The following MACROD2 variants were observed in gnomAD, a reference collection of about 807,000 sequenced individuals.
MACROD2 encodes ADP-ribose glycohydrolase MACROD2.
A neutral mutation model predicts 70.4 loss-of-function variants in MACROD2; 36 were observed. The ratio of observed to expected loss-of-function variants is 0.51; its 90% confidence interval spans 0.39 to 0.68. MACROD2 has a LOEUF of 0.68. Among genes scored for constraint, MACROD2 ranks in the 30% least tolerant of loss-of-function variants. MACROD2 has a pLI of 0.00. For missense variants in MACROD2, 496 were observed against 538.4 expected, an observed-to-expected ratio of 0.92 and a Z score of 0.78; for synonymous variants, 172 against 178.8, an observed-to-expected ratio of 0.96 and a Z score of 0.30.
intron 5 of MACROD2, among the ~76,000 whole-genome samples, chr20:14,686,365 T>C (rs1357502070): frequency 6.6e-6 from 1 of 152,218 alleles, no homozygotes; most frequent in Non-Finnish European, 1.5e-5. Context: ...ATACAATATT[T>C]TAAATAATTT....
chr20:14,442,908 C>A (rs2084140831), intron 3 of MACROD2, among the ~76,000 whole-genome samples: 1 of 151,940 alleles, frequency 6.6e-6, no homozygotes, highest in African/African-American at 2.4e-5. Context: ...AACCCCGTCT[C>A]TACTAAAAAT....
chr20:14,577,542 G>C (rs1028936459), intron 4 of MACROD2, among the ~76,000 whole-genome samples: 1 of 152,148 alleles, frequency 6.6e-6, no homozygotes, highest in African/African-American at 2.4e-5. Context: ...GCTTTGAGGG[G>C]CTGAGGTGGG....
At chr20:14,938,573 G>A (rs2074361243) in intron 5 of MACROD2, among the ~76,000 whole-genome samples, 1 of 152,032 alleles carries the variant, frequency 6.6e-6, no homozygotes, top group African/African-American at 2.4e-5. Context: ...TTGAGGCCAG[G>A]AGTTCAAGAC....
At chr20:15,677,298 A>C (rs1015657453) in intron 8 of MACROD2, among the ~76,000 whole-genome samples, 25 of 152,214 alleles carry the variant, frequency 1.6e-4, no homozygotes, top group Middle Eastern at 6.8e-3. Flanking sequence ...GCATCTAGGA[A>C]ATTTAGAGGG....
At chr20:15,629,904 A>G (rs182126525) in intron 8 of MACROD2, among the ~76,000 whole-genome samples, 1 of 152,352 alleles carries the variant, frequency 6.6e-6, no homozygotes, top group Admixed American at 6.5e-5. Context: ...AGAGGAATGA[A>G]TGCTTTGAAG....
At chr20:14,197,856 A>G (rs2081445902) in intron 3 of MACROD2, among the ~76,000 whole-genome samples, 2 of 152,216 alleles carry the variant, frequency 1.3e-5, no homozygotes, top group Admixed American at 6.5e-5. Context: ...TAAAAACATC[A>G]TGTTTACAGT....
intron 3 of MACROD2, among the ~76,000 whole-genome samples, chr20:14,317,616 CAAAAAAA>C (rs57339002): frequency 8.9e-6 from 1 of 112,736 alleles, no homozygotes; most frequent in African/African-American, 3.2e-5. Flanking sequence ...GAGACTGTCT[CAAAAAAA>C]AAAAAAAAAA....
intron 15 of MACROD2, among the ~76,000 whole-genome samples, chr20:16,002,033 T>C (rs972004112): frequency 6.3e-5 from 9 of 141,884 alleles, no homozygotes; most frequent in African/African-American, 2.4e-4. Flanking sequence ...TTATATAATA[T>C]AATGTGTCTT....
intron 15 of MACROD2, among the ~76,000 whole-genome samples, chr20:16,014,504 C>T (rs2066904414): frequency 6.6e-6 from 1 of 152,202 alleles, no homozygotes; most frequent in South Asian, 2.1e-4. Context: ...ATTACTAGGT[C>T]AGATTTTTCC....
intron 8 of MACROD2, among the ~76,000 whole-genome samples, chr20:15,821,139 A>T (rs540743410): frequency 6.6e-6 from 1 of 152,142 alleles, no homozygotes; most frequent in Non-Finnish European, 1.5e-5. Context: ...AATAAAATTC[A>T]GTTCTTCTCC....
chr20:14,681,913 G>A (rs532530612), intron 4 of MACROD2, among the ~76,000 whole-genome samples: 1 of 152,248 alleles, frequency 6.6e-6, no homozygotes, highest in South Asian at 2.1e-4. Flanking sequence ...GTGAATGTAA[G>A]CAAGTTACTA....
At chr20:15,259,977 C>G (rs1463529886) in intron 6 of MACROD2, among the ~76,000 whole-genome samples, 1 of 151,612 alleles carries the variant, frequency 6.6e-6, no homozygotes, top group Non-Finnish European at 1.5e-5. Flanking sequence ...AATGTTATCT[C>G]TCCTGAAATT....
intron 7 of MACROD2, among the ~76,000 whole-genome samples, chr20:15,471,845 ATCC>A (rs148079002): frequency 0.035 from 5,293 of 151,918 alleles, 299 homozygotes; most frequent in African/African-American, 0.12. Context: ...TCTGTCAGTT[ATCC>A]TCCTCTTTCT....
rs73897808 is a variant in MACROD2, at chr20:15,685,453, G to A, written c.646-177292G>A. ...TCTGAAGGAGGCTTTATAAGGAAGT[G>A]CATAAAGCTTTAGAAGGTTCAGAGG... On this transcript the variant is annotated intron_variant, in intron 8 of 17. Transcript: ENST00000684519. Among the ~76,000 whole-genome samples the A allele has an allele frequency of 5.1e-3, 775 of 152,312 alleles. 14 individuals carry two copies. The highest frequency in any genetic ancestry group is 0.018 in the African/African-American group (744 of 41,562).
intron 2 of MACROD2, among the ~76,000 whole-genome samples, chr20:14,022,884 C>A (rs1240491839): frequency 6.6e-6 from 1 of 152,144 alleles, no homozygotes; most frequent in East Asian, 1.9e-4. Flanking sequence ...GTGACTAGTG[C>A]TGCAATAAAC....
chr20:15,605,939 T>C (rs551300679), intron 8 of MACROD2, among the ~76,000 whole-genome samples: 3 of 152,342 alleles, frequency 2.0e-5, no homozygotes, highest in African/African-American at 7.2e-5. Context: ...TCACAGATGT[T>C]CCACTGCCAC....
intron 4 of MACROD2, among the ~76,000 whole-genome samples, chr20:14,611,422 A>AT (rs1983150606): frequency 7.0e-6 from 1 of 142,164 alleles, no homozygotes; most frequent in South Asian, 2.2e-4. Flanking sequence ...GGTCTTCCTC[A>AT]TTATGTTCAG....
At chr20:14,108,078 A>G (rs142440890) in intron 3 of MACROD2, among the ~76,000 whole-genome samples, 13 of 152,300 alleles carry the variant, frequency 8.5e-5, no homozygotes, top group African/African-American at 3.1e-4. Context: ...AGACAGTACA[A>G]TAAGACACAA....
chr20:14,633,663 C>A (rs562449682), intron 4 of MACROD2, among the ~76,000 whole-genome samples: 1 of 152,286 alleles, frequency 6.6e-6, no homozygotes, highest in Admixed American at 6.5e-5. Flanking sequence ...TCCCAGTTAT[C>A]GAGGCTTCCC....
Sources: gnomAD v4.1 joint callset for allele counts (sites outside exome capture counted in the v4.1 genomes callset) on GRCh38, gnomAD v4.1.1 for gene constraint, MANE v1.5 for transcripts, NCBI Gene and HGNC (gene_info 2026-07-23, HGNC 2026-07-21) for gene names.